The following RBFOX3 variants were observed in gnomAD, a reference collection of about 807,000 sequenced individuals.
The protein encoded by RBFOX3 is RNA binding protein fox-1 homolog 3.
Under a neutral mutation model 48.7 loss-of-function variants are expected in RBFOX3, and 17 were observed. That is an observed-to-expected ratio of 0.35 (90% CI 0.24 to 0.52). The LOEUF is 0.52. Among genes scored for constraint, RBFOX3 ranks in the 20% least tolerant of loss-of-function variants. RBFOX3 has a pLI of 0.94. For missense variants in RBFOX3, 382 were observed against 497.5 expected, an observed-to-expected ratio of 0.77 and a Z score of 2.21; for synonymous variants, 212 against 209.5, an observed-to-expected ratio of 1.01 and a Z score of -0.10.
intron 1 of RBFOX3, among the ~76,000 whole-genome samples, chr17:79,539,680 T>C (rs1413316747): frequency 1.3e-5 from 2 of 152,244 alleles, no homozygotes; most frequent in East Asian, 3.8e-4. Flanking sequence ...GGTCCCAGAC[T>C]ATTCATTTCA....
At chr17:79,656,839 AAAG>A in the RBFOX3 span, among the ~76,000 whole-genome samples, 1 of 129,482 alleles carries the variant, frequency 7.7e-6, no homozygotes. Flanking sequence ...GAAAAGAAAG[AAAG>A]AAAAGAAAAG....
chr17:79,108,876 A>T lies in RBFOX3; in HGVS notation c.223-2088T>A, dbSNP rs566048286. 2.0e-5 allele frequency among the ~76,000 whole-genome samples: 3 copies of T among 152,342 alleles called. No individual in the cohort carries two copies. The South Asian group carries it at 6.2e-4, about 32-fold the overall frequency. On this transcript the variant is annotated intron_variant, in intron 5 of 14. Transcript: ENST00000693108. ...CAGCCCCTGGCACTGGCAGTGGGGC[A>T]GGCTGGGAGTGGGGTCTCAAGGGCT...
intron 2 of RBFOX3, among the ~76,000 whole-genome samples, chr17:79,475,165 G>A (rs2077551815): frequency 1.3e-5 from 2 of 152,266 alleles, no homozygotes; most frequent in East Asian, 1.9e-4. Context: ...GTGGGTGGGG[G>A]ACAGAGAATG....
intron 2 of RBFOX3, among the ~76,000 whole-genome samples, chr17:79,380,158 G>A (rs1166540607): frequency 2.7e-5 from 4 of 150,856 alleles, no homozygotes; most frequent in Non-Finnish European, 4.4e-5. Flanking sequence ...TCCCCGTCTG[G>A]CTCCCCCACC....
rs2077975119 is a variant in RBFOX3, at chr17:79,477,289, G to A, written c.-175+5165C>T. Among the ~76,000 whole-genome samples, 1 of 148,038 alleles carries A rather than the reference G, an allele frequency of 6.8e-6. No homozygotes were observed. The highest frequency in any genetic ancestry group is 2.0e-4 in the East Asian group (1 of 5,010). ...AAAAAAAAAAAAAGAGGGCGCGGTG[G>A]CTCACACCTGTAATCCCAGCACTTT... On this transcript the variant is annotated intron_variant, in intron 2 of 14. Transcript: ENST00000693108. The surrounding 1 kb of genome is among the most constrained non-coding windows in gnomAD (Gnocchi z 4.8).
chr17:79,423,543 C>T lies in RBFOX3; in HGVS notation c.-175+58911G>A, dbSNP rs894929980. Among the ~76,000 whole-genome samples, 2 of 152,096 alleles carry T rather than the reference C, an allele frequency of 1.3e-5. No individual in the cohort carries two copies. Among genetic ancestry groups the T allele is most frequent in the African/African-American group, 2.4e-5 (1 of 41,416 alleles). Reference sequence around the variant, plus strand: ...CCGGTACCCAGCACCTGGGGTTCTCCGCTATCTCCCACACATCGTTCTCAA... The same window carrying T: ...CCGGTACCCAGCACCTGGGGTTCTCTGCTATCTCCCACACATCGTTCTCAA... On this transcript the variant is annotated intron_variant, in intron 2 of 14. Transcript: ENST00000693108. The surrounding 1 kb of genome is among the most constrained non-coding windows in gnomAD (Gnocchi z 4.9).
chr17:79,564,604 A>T (rs2092385139), intron 1 of RBFOX3, among the ~76,000 whole-genome samples: 1 of 152,236 alleles, frequency 6.6e-6, no homozygotes, highest in African/African-American at 2.4e-5. Context: ...ACCAAGATTT[A>T]TGTACAAGGA....
At chr17:79,266,168 C>A (rs773238491) in intron 3 of RBFOX3, among the ~76,000 whole-genome samples, 5 of 152,200 alleles carry the variant, frequency 3.3e-5, no homozygotes, top group Middle Eastern at 3.2e-3. Context: ...GCAGCCTGTT[C>A]TCCCATGGCA....
At chr17:79,209,279 C>T (rs12937257) in intron 4 of RBFOX3, among the ~76,000 whole-genome samples, 2,803 of 152,270 alleles carry the variant, frequency 0.018, 55 homozygotes, top group Non-Finnish European at 0.026. Context: ...TGGGTGCCCA[C>T]ATTGTTTGAA....
At chr17:79,396,715 T>A (rs909916215) in intron 2 of RBFOX3, among the ~76,000 whole-genome samples, 1 of 152,198 alleles carries the variant, frequency 6.6e-6, no homozygotes, top group African/African-American at 2.4e-5. Flanking sequence ...CTCGGAGGGA[T>A]GAAAGCTGTC....
intron 12 of RBFOX3, 133 bp from the exon 13 acceptor site, chr17:79,095,707 A>T (rs2075092961): frequency 6.7e-6 from 5 of 743,926 alleles, no homozygotes; most frequent in African/African-American, 3.5e-5. Flanking sequence ...CCAGCCTCCC[A>T]GCCTCGGCTG....
chr17:79,240,972 T>C (rs1156329765), intron 3 of RBFOX3, among the ~76,000 whole-genome samples: 1 of 141,620 alleles, frequency 7.1e-6, no homozygotes, highest in African/African-American at 2.5e-5. Context: ...CCTAAATTTT[T>C]CAATTAAAAA....
intron 5 of RBFOX3, among the ~76,000 whole-genome samples, chr17:79,112,808 C>T (rs1326777470): frequency 1.3e-5 from 2 of 149,580 alleles, no homozygotes; most frequent in Non-Finnish European, 3.0e-5. Context: ...GGCGAGAGGG[C>T]GGGAAGCCCC....
Position 79,392,568 on chromosome 17 carries a change from C to T in RBFOX3, c.-174-84744G>A, listed in dbSNP as rs916260751. On this transcript the variant is annotated intron_variant, in intron 2 of 14. Transcript: ENST00000693108. This position sits in a 1 kb window ranked among gnomAD's most constrained non-coding sequence, Gnocchi z 5.0. Reference sequence around the variant, plus strand: ...CACCCACTTAAGTTAGGCACCATCCCGTGACTTGCTTTGCCCAACAAAATG... The same window carrying T: ...CACCCACTTAAGTTAGGCACCATCCTGTGACTTGCTTTGCCCAACAAAATG... 2.6e-5 allele frequency among the ~76,000 whole-genome samples: 4 copies of T among 152,154 alleles called. No homozygotes were observed. The highest frequency in any genetic ancestry group is 5.9e-5 in the Non-Finnish European group (4 of 68,026).
rs532276150 is a variant in RBFOX3, at chr17:79,220,947, T to G, written c.-34+14819A>C. ...AGTGCAGGGAGGTGGGGCCACCGCCTGCAGGAGAGCCTGCATCTAACGTCT... is the reference window on the plus strand; with the variant it reads ...AGTGCAGGGAGGTGGGGCCACCGCCGGCAGGAGAGCCTGCATCTAACGTCT... On this transcript the variant is annotated intron_variant, in intron 4 of 14. Transcript: ENST00000693108. This position sits in a 1 kb window ranked among gnomAD's most constrained non-coding sequence, Gnocchi z 5.9. Among the ~76,000 whole-genome samples, 143 of 152,300 alleles carry G rather than the reference T, an allele frequency of 9.4e-4. No homozygotes were observed. Among genetic ancestry groups the G allele is most frequent in the African/African-American group, 3.4e-3 (140 of 41,568 alleles).
chr17:79,105,879 G>A (rs770636685), intron 6 of RBFOX3, among the ~76,000 whole-genome samples: 8 of 151,914 alleles, frequency 5.3e-5, no homozygotes, highest in Non-Finnish European at 8.8e-5. Flanking sequence ...AGCCTGGGCT[G>A]AGCCACCCAG....
At chr17:79,102,372 C>G (rs2076607731) in intron 8 of RBFOX3, among the ~76,000 whole-genome samples, 1 of 152,234 alleles carries the variant, frequency 6.6e-6, no homozygotes, top group Non-Finnish European at 1.5e-5. Context: ...GGGGCTGCAG[C>G]CTGGCCAAGC....
intron 1 of RBFOX3, among the ~76,000 whole-genome samples, chr17:79,519,622 C>T (rs1037174457): frequency 8.5e-4 from 129 of 152,316 alleles, no homozygotes; most frequent in African/African-American, 3.0e-3. Context: ...TGGCCCTTGA[C>T]CCTGGCTCCT....
At chr17:79,229,402 C>T (rs2060731743) in intron 4 of RBFOX3, among the ~76,000 whole-genome samples, 1 of 151,260 alleles carries the variant, frequency 6.6e-6, no homozygotes, top group African/African-American at 2.4e-5. Flanking sequence ...ACTAAAAATA[C>T]AAAAAAATTA....
Sources: allele counts gnomAD v4.1 joint callset (sites outside exome capture counted in the v4.1 genomes callset), GRCh38; gene constraint gnomAD v4.1.1; non-coding constraint Gnocchi (gnomAD v3.1); transcripts MANE v1.5; gene names NCBI Gene and HGNC (gene_info 2026-07-23, HGNC 2026-07-21).